Variants in MCTP2 observed in about 807,000 individuals in gnomAD.
MCTP2 encodes the protein multiple C2 and transmembrane domain-containing protein 2.
Under a neutral mutation model 111.6 loss-of-function variants are expected in MCTP2, and 132 were observed. That is an observed-to-expected ratio of 1.18 (90% confidence interval 1.03 to 1.37). The LOEUF (loss-of-function observed/expected upper bound fraction) is 1.37, where lower values mean the gene tolerates loss of function less well. MCTP2 is among the 40% of genes most tolerant of loss of function. MCTP2 has a pLI of 0.00. For synonymous variants in MCTP2, 395 were observed against 387.7 expected (o/e 1.02, Z -0.22); for missense variants, 1,183 against 1,067.9 (o/e 1.11, Z -1.50).
Position 94,244,720 on chromosome 15 carries a change from T to C in MCTP2, c.-66+13056T>C, listed in dbSNP as rs373667530. ...TATACACATACATATGCACCTATGT[T>C]TATATTCGTATATGTATACACATAC... On this transcript the variant is annotated intron_variant, in intron 1 of 22. Transcript: ENST00000357742. Among the ~76,000 whole-genome samples, 9 of 149,050 alleles carry C rather than the reference T, an allele frequency of 6.0e-5. 1 individual carries two copies. Among genetic ancestry groups the C allele is most frequent in the African/African-American group, 2.2e-4 (9 of 40,104 alleles).
intron 2 of MCTP2, 122 bp downstream of exon 2, chr15:94,298,852 CT>C (rs2075416704): frequency 7.0e-6 from 3 of 427,674 alleles, no homozygotes; most frequent in Non-Finnish European, 7.8e-6. Flanking sequence ...CTCTTCCCCC[CT>C]CCCCCTCCCT....
At chr15:94,410,388 T>C (rs1439182489) in intron 17 of MCTP2, among the ~76,000 whole-genome samples, 1 of 152,044 alleles carries the variant, frequency 6.6e-6, no homozygotes, top group Non-Finnish European at 1.5e-5. Context: ...CAAGCAGAGT[T>C]CTCCCTCAAG....
At position 94,453,045 on chromosome 15, in the gene MCTP2, T is replaced by C. The variant is rs1350480136; in HGVS notation, c.2251-5092T>C. Among the ~76,000 whole-genome samples, 5 of 152,234 alleles carry C rather than the reference T, an allele frequency of 3.3e-5. No homozygotes were observed. The East Asian group carries it at 7.7e-4, about 23-fold the overall frequency. ...ACTGAAGAATTTTAGGAAAAAGTGA[T>C]TCAGGTTCACCACAGGTCCCAGTTT... On this transcript the variant is annotated intron_variant, in intron 19 of 22. Coordinates refer to ENST00000357742, the MANE Select transcript of MCTP2 (RefSeq NM_001385001.1).
chr15:94,450,077 T>G (rs748073316), intron 19 of MCTP2, among the ~76,000 whole-genome samples: 88 of 152,204 alleles, frequency 5.8e-4, no homozygotes, highest in Non-Finnish European at 9.6e-4. Context: ...TTTTCAACCC[T>G]ATTATTTGAT....
chr15:94,406,935 T>C lies in MCTP2; in HGVS notation c.2085+4916T>C, dbSNP rs147573808. On this transcript the variant is annotated intron_variant, in intron 17 of 22. Coordinates refer to ENST00000357742, the MANE Select transcript of MCTP2 (RefSeq NM_001385001.1). ...TAGAAGAGAATAACCACCCCTTATG[T>C]TCCTTTAAAATATCTTGAAATAATA... Among the ~76,000 whole-genome samples the C allele has an allele frequency of 3.6e-3, 554 of 152,016 alleles. 4 individuals carry two copies. The highest frequency in any genetic ancestry group is 0.013 in the African/African-American group (539 of 41,470).
At chr15:94,310,714 AAAT>A (rs1362597487) in intron 2 of MCTP2, among the ~76,000 whole-genome samples, 1 of 150,600 alleles carries the variant, frequency 6.6e-6, no homozygotes, top group Non-Finnish European at 1.5e-5. Flanking sequence ...TCATAACATA[AAAT>A]AATATATAAT....
chr15:94,246,036 A>T (rs1411373633), intron 1 of MCTP2, among the ~76,000 whole-genome samples: 1 of 151,890 alleles, frequency 6.6e-6, no homozygotes. Context: ...GGGGAGGAAA[A>T]ATGTGACTTG....
intron 17 of MCTP2, among the ~76,000 whole-genome samples, chr15:94,421,098 T>A (rs1209440416): frequency 6.6e-6 from 1 of 151,884 alleles, no homozygotes. Context: ...GATAGTATTT[T>A]TTTTTTTTTT....
At chr15:94,429,302 C>G (rs1471595728) in intron 17 of MCTP2, among the ~76,000 whole-genome samples, 1 of 151,976 alleles carries the variant, frequency 6.6e-6, no homozygotes, top group Non-Finnish European at 1.5e-5. Flanking sequence ...TTTTATTTAT[C>G]TCTCTCTCCT....
rs543733356 is a variant in MCTP2, at chr15:94,267,130, T to A, written c.-65-31071T>A. Among the ~76,000 whole-genome samples the A allele has an allele frequency of 5.3e-5, 8 of 152,346 alleles. No homozygotes were observed. In the South Asian group the frequency reaches 1.7e-3, roughly 32 times the overall value. On this transcript the variant is annotated intron_variant, in intron 1 of 22. Coordinates refer to ENST00000357742, the MANE Select transcript of MCTP2 (RefSeq NM_001385001.1). ...TGTTAGGTAGATGGCTGTTGGAGTT[T>A]GAGAGATACGTGCAGTCTTGTCACC... is the stretch of plus-strand genomic sequence containing the variant.
chr15:94,286,139 G>A (rs2074743333), intron 1 of MCTP2, among the ~76,000 whole-genome samples: 1 of 152,186 alleles, frequency 6.6e-6, no homozygotes, highest in African/African-American at 2.4e-5. Context: ...GATCTAGAGA[G>A]AGCTTTTTAT....
At chr15:94,433,285 A>C (rs1304736522) in intron 17 of MCTP2, among the ~76,000 whole-genome samples, 1 of 152,220 alleles carries the variant, frequency 6.6e-6, no homozygotes, top group Non-Finnish European at 1.5e-5. Context: ...GATAAATTTT[A>C]GGATAGAAAG....
rs563814684 is a variant in MCTP2 at position 94,422,808 on chromosome 15, A to G, written c.2086-17368A>G. 1.8e-3 allele frequency among the ~76,000 whole-genome samples: 279 copies of G among 152,220 alleles called. 1 individual carries two copies. Among genetic ancestry groups the G allele is most frequent in the African/African-American group, 6.3e-3 (263 of 41,538 alleles). The stretch of plus-strand genomic sequence containing the variant: ...GCCTTTTTAAATTTTTACCACTGTC[A>G]TATCTTTTGCTTTTACTTCCTCCTT... On this transcript the variant is annotated intron_variant, in intron 17 of 22. Transcript: ENST00000357742.
At chr15:94,467,209 G>A (rs2152536858) in intron 20 of MCTP2, among the ~76,000 whole-genome samples, 1 of 152,260 alleles carries the variant, frequency 6.6e-6, no homozygotes, top group Middle Eastern at 3.4e-3. Flanking sequence ...AACAAAAGTT[G>A]CACAGGAGCT....
At chr15:94,377,634 G>T (rs1412252015) in intron 12 of MCTP2, among the ~76,000 whole-genome samples, 1 of 152,148 alleles carries the variant, frequency 6.6e-6, no homozygotes, top group Non-Finnish European at 1.5e-5. Context: ...TCTATTCTCT[G>T]TGATGCCTTA....
At position 94,358,564 on chromosome 15, in the gene MCTP2, T is replaced by G. The variant is rs149605421; in HGVS notation, c.1253T>G (p.Ile418Ser). ...YFSDRMGILDIEVWGKDNKKH... is the reference protein window; with the variant it reads ...YFSDRMGILDSEVWGKDNKKH... The stretch of plus-strand genomic sequence containing the variant: ...TCTGACAGGATGGGCATTTTGGACA[T>G]TGAAGTGTGGGGAAAGGACAACAAA... The change falls in exon 10 of 23, where the codon ATT (isoleucine) becomes AGT (serine). Residue 418 changes from isoleucine (I) to serine (S), a missense_variant. Ile to Ser is a moderately radical substitution (Grantham distance 142). Transcript: ENST00000357742. The G allele has an allele frequency of 1.2e-6, 2 of 1,613,820 alleles. No individual in the cohort carries two copies. Among genetic ancestry groups the G allele is most frequent in the South Asian group, 2.2e-5 (2 of 91,088 alleles).
In MCTP2 at chr15:94,367,589, C is replaced by T; in HGVS notation, c.1302-16C>T. The T allele has an allele frequency of 1.3e-6, 2 of 1,599,336 alleles. No homozygotes were observed. Among genetic ancestry groups the T allele is most frequent in the Non-Finnish European group, 1.7e-6 (2 of 1,173,530 alleles). ...TTAATCACTTTTCTCTCTCTTGATT[C>T]CTGAAACTTTTCTAGGTGTAAAGTG... On this transcript the variant is annotated splice_polypyrimidine_tract_variant and intron_variant, in intron 10 of 22. Coordinates refer to ENST00000357742, the MANE Select transcript of MCTP2 (RefSeq NM_001385001.1).
chr15:94,298,364 T>C lies in MCTP2; in HGVS notation c.99T>C (p.Ser33=). The C allele has an allele frequency of 6.2e-7, 1 of 1,614,138 alleles. No homozygotes were observed. The highest frequency in any genetic ancestry group is 8.5e-7 in the Non-Finnish European group (1 of 1,180,010). The change falls in exon 2 of 23, where the codon AGT becomes AGC. Residue 33 remains serine, a synonymous_variant. Transcript: ENST00000357742. ...AGAAGAAGGTGAAAAAGAACCCAAG[T>C]AAGCCCCCAGATCTACGGGCAAGGC... ...LSKKKVKKNP[S]KPPDLRARHH...
At position 94,299,868 on chromosome 15, in the gene MCTP2, C is replaced by T. The variant is rs544699997; in HGVS notation, c.465+1138C>T. 1.6e-3 allele frequency among the ~76,000 whole-genome samples: 243 copies of T among 152,284 alleles called. 1 individual carries two copies. Among genetic ancestry groups the T allele is most frequent in the African/African-American group, 5.7e-3 (237 of 41,558 alleles). Reference sequence around the variant, plus strand: ...GTTTGGAGGATATCATGGCCATATTCGTTAGCAAGCATTACTATATTAAGA... The same window carrying T: ...GTTTGGAGGATATCATGGCCATATTTGTTAGCAAGCATTACTATATTAAGA... On this transcript the variant is annotated intron_variant, in intron 2 of 22. Coordinates refer to ENST00000357742, the MANE Select transcript of MCTP2 (RefSeq NM_001385001.1).
Sources: gnomAD v4.1 joint callset for allele counts (sites outside exome capture counted in the v4.1 genomes callset) on GRCh38, gnomAD v4.1.1 for gene constraint, MANE v1.5 for transcripts, NCBI Gene and HGNC (gene_info 2026-07-23, HGNC 2026-07-21) for gene names.